ZBTB20: variants seen among roughly 807,000 people sequenced by gnomAD.
ZBTB20 encodes zinc finger and BTB domain containing 20.
ZBTB20 carries 9 observed loss-of-function variants against 56.9 expected under a neutral mutation model. The observed-to-expected ratio is 0.16, with a 90% CI of 0.10 to 0.28. ZBTB20 has a LOEUF of 0.28. Among genes scored for constraint, ZBTB20 ranks in the 10% least tolerant of loss-of-function variants. The pLI is 1.00. For synonymous variants in ZBTB20, 417 were observed against 420.7 expected (o/e 0.99, Z 0.11); for missense variants, 655 against 1,003.0 (o/e 0.65, Z 4.69).
chr3:115,133,285 C>T (rs1560597539), intron 1 of ZBTB20, among the ~76,000 whole-genome samples: 1 of 152,130 alleles, frequency 6.6e-6, no homozygotes, highest in Admixed American at 6.5e-5. Flanking sequence ...CAGCTACATT[C>T]TTATTTAACA....
intron 5 of ZBTB20, among the ~76,000 whole-genome samples, chr3:114,742,025 A>T (rs939171539): frequency 2.0e-5 from 3 of 152,080 alleles, no homozygotes; most frequent in African/African-American, 7.2e-5. Context: ...CAACAACTGA[A>T]CTCTTAGAGT....
chr3:114,930,798 C>A (rs1576355636), intron 3 of ZBTB20: 2 of 294,942 alleles, frequency 6.8e-6, no homozygotes, highest in Non-Finnish European at 1.4e-5. Flanking sequence ...CCAGGAAGTA[C>A]CTTAGCAGTG....
intron 6 of ZBTB20, among the ~76,000 whole-genome samples, chr3:114,692,360 A>G (rs913545742): frequency 3.9e-5 from 6 of 152,238 alleles, no homozygotes; most frequent in Admixed American, 3.9e-4. Flanking sequence ...AGAGAGACAG[A>G]GATAGATGTG....
chr3:115,055,983 T>C (rs2081766168), intron 2 of ZBTB20, among the ~76,000 whole-genome samples: 1 of 152,178 alleles, frequency 6.6e-6, no homozygotes, highest in South Asian at 2.1e-4. Flanking sequence ...TACATAAAAA[T>C]TGAAAACATC....
intron 5 of ZBTB20, among the ~76,000 whole-genome samples, chr3:114,723,599 A>G (rs1219071505): frequency 6.6e-6 from 1 of 152,160 alleles, no homozygotes; most frequent in Non-Finnish European, 1.5e-5. Context: ...CCTCCACTCC[A>G]GGCCACACTC....
chr3:114,780,498 CT>C (rs1402630606), intron 5 of ZBTB20, among the ~76,000 whole-genome samples: 1 of 152,028 alleles, frequency 6.6e-6, no homozygotes, highest in African/African-American at 2.4e-5. Flanking sequence ...CTTCTCTTTT[CT>C]TTTTTTTGAG....
chr3:114,839,937 T>G (rs2108994311), intron 4 of ZBTB20, among the ~76,000 whole-genome samples: 2 of 152,320 alleles, frequency 1.3e-5, no homozygotes, highest in Middle Eastern at 6.8e-3. Flanking sequence ...GACTTCTGGC[T>G]TCCAATTCTG....
At position 114,325,310 on chromosome 3, in the gene ZBTB20, CA is replaced by C. The variant is rs1458589203; in HGVS notation, c.*13694del. On this transcript the variant is annotated 3_prime_UTR_variant, in exon 12 of 12. Transcript: ENST00000675478. ...AAATTAAAGTTTGTCCCAAGGAGAG[CA>C]AGAGCAGAGTAACTAGCCTTTGTTT... 6.6e-6 allele frequency: 1 copy of C among 152,128 alleles called. No individual in the cohort carries two copies. Among genetic ancestry groups the C allele is most frequent in the Non-Finnish European group, 1.5e-5 (1 of 68,032 alleles). 9.4% of individuals were successfully genotyped at this position (152,128 alleles called of 1,614,324 possible).
chr3:114,997,474 G>C (rs2079074430), intron 2 of ZBTB20, among the ~76,000 whole-genome samples: 1 of 151,494 alleles, frequency 6.6e-6, no homozygotes. Context: ...AAGTCAAAAA[G>C]CAAACAATAA....
intron 7 of ZBTB20, among the ~76,000 whole-genome samples, chr3:114,448,927 G>GT (rs1356554400): frequency 6.6e-6 from 1 of 152,056 alleles, no homozygotes; most frequent in Non-Finnish European, 1.5e-5. Flanking sequence ...GTGGATTCAT[G>GT]TTTCCCTGTG....
chr3:114,839,466 A>AGAAAG (rs1491368999), intron 4 of ZBTB20, among the ~76,000 whole-genome samples: 1 of 147,366 alleles, frequency 6.8e-6, no homozygotes, highest in African/African-American at 2.5e-5. Context: ...AAAGAAAGAA[A>AGAAAG]GAGAGAGAGA....
intron 6 of ZBTB20, among the ~76,000 whole-genome samples, chr3:114,630,308 G>T (rs1048292483): frequency 6.6e-6 from 1 of 152,184 alleles, no homozygotes; most frequent in Admixed American, 6.5e-5. Flanking sequence ...TCCAGACCTT[G>T]TTGGACAACA....
chr3:114,438,830 T>G (rs553313831), intron 7 of ZBTB20, among the ~76,000 whole-genome samples: 1 of 152,114 alleles, frequency 6.6e-6, no homozygotes, highest in Non-Finnish European at 1.5e-5. Flanking sequence ...CGTCCAAACA[T>G]GGGACCTTGT....
At position 114,601,042 on chromosome 3, in the gene ZBTB20, C is replaced by T. The variant is rs141412966; in HGVS notation, c.-295+92486G>A. ...TGGAATTTTTAAAATAAGCCATCTG[C>T]TGCGCAGACCTCAAGAAAAACAGTT... On this transcript the variant is annotated intron_variant, in intron 6 of 11. Coordinates refer to ENST00000675478, the MANE Select transcript of ZBTB20 (RefSeq NM_001348800.3). 1.6e-4 allele frequency among the ~76,000 whole-genome samples: 24 copies of T among 151,982 alleles called. No homozygotes were observed. The East Asian group carries it at 4.4e-3, about 28-fold the overall frequency.
intron 2 of ZBTB20, among the ~76,000 whole-genome samples, chr3:114,980,770 C>T (rs1287865688): frequency 6.6e-6 from 1 of 151,878 alleles, no homozygotes; most frequent in East Asian, 1.9e-4. Flanking sequence ...TCACCATTTT[C>T]TCCAGATAAG....
intron 1 of ZBTB20, among the ~76,000 whole-genome samples, chr3:115,094,003 A>ACC (rs2083291238): frequency 6.6e-6 from 1 of 151,846 alleles, no homozygotes; most frequent in African/African-American, 2.4e-5. Flanking sequence ...AAAAGCACCA[A>ACC]CCCCTCAGCT....
intron 4 of ZBTB20, among the ~76,000 whole-genome samples, chr3:114,841,533 G>A (rs1454301057): frequency 6.6e-6 from 1 of 152,130 alleles, no homozygotes; most frequent in African/African-American, 2.4e-5. Flanking sequence ...CTGGATGAGA[G>A]TAGTAGTTCT....
intron 2 of ZBTB20, among the ~76,000 whole-genome samples, chr3:114,988,878 T>C (rs1043119736): frequency 6.6e-6 from 1 of 152,250 alleles, no homozygotes; most frequent in Non-Finnish European, 1.5e-5. Flanking sequence ...TTCATGTCTC[T>C]GTTGGCTGCA....
chr3:114,650,121 A>C lies in ZBTB20; in HGVS notation c.-295+43407T>G, dbSNP rs1436326992. The stretch of plus-strand genomic sequence containing the variant: ...GATCCTTTCATGTTTCTCAGTTTTA[A>C]TCTCTCCAAATATCCCTATTGTCTG... On this transcript the variant is annotated intron_variant, in intron 6 of 11. Coordinates refer to ENST00000675478, the MANE Select transcript of ZBTB20 (RefSeq NM_001348800.3). 2.0e-5 allele frequency among the ~76,000 whole-genome samples: 3 copies of C among 151,932 alleles called. No individual in the cohort carries two copies. In the East Asian group the frequency reaches 5.8e-4, roughly 29 times the overall value.
Sources: allele counts gnomAD v4.1 joint callset (sites outside exome capture counted in the v4.1 genomes callset), GRCh38; gene constraint gnomAD v4.1.1; transcripts MANE v1.5; gene names NCBI Gene and HGNC (gene_info 2026-07-23, HGNC 2026-07-21).